Variants in ABLIM3 observed in about 807,000 individuals in gnomAD.
ABLIM3 encodes actin-binding LIM protein 3.
In ABLIM3, 61 loss-of-function variants were observed where a neutral mutation model predicts 109.5. The ratio of observed to expected loss-of-function variants is 0.56; its 90% CI spans 0.45 to 0.69. The LOEUF is 0.69. Among genes scored for constraint, ABLIM3 ranks in the 30% least tolerant of loss-of-function variants. The probability of loss-of-function intolerance (pLI) is 0.00; values close to 1 mark genes in which losing one functional copy is unlikely to be tolerated. For synonymous variants in ABLIM3, 300 were observed against 324.8 expected, an observed-to-expected ratio of 0.92 and a Z score of 0.82; for missense variants, 796 against 889.5, an observed-to-expected ratio of 0.89 and a Z score of 1.34.
At chr5:149,217,207 TG>T (rs141321170) in intron 8 of ABLIM3, 161 bp downstream of exon 8, 32 of 682,722 alleles carry the variant, frequency 4.7e-5, no homozygotes, top group Non-Finnish European at 7.9e-5. Flanking sequence ...CTGGGTGGAT[TG>T]GGAAGGTTGC....
At chr5:149,239,701 T>C in intron 12 of ABLIM3, 58 bp from the exon 13 acceptor site, 2 of 1,523,662 alleles carry the variant, frequency 1.3e-6, no homozygotes, top group Non-Finnish European at 1.8e-6. Context: ...TGCTAGACCC[T>C]CGGGCCACAG....
chr5:149,191,739 A>G (rs1399648282), intron 3 of ABLIM3, among the ~76,000 whole-genome samples: 1 of 152,284 alleles, frequency 6.6e-6, no homozygotes, highest in Non-Finnish European at 1.5e-5. Context: ...TTGGCTTAAT[A>G]TTAGAAAACT....
At chr5:149,157,854 T>C (rs1331428540) in intron 2 of ABLIM3, among the ~76,000 whole-genome samples, 1 of 152,110 alleles carries the variant, frequency 6.6e-6, no homozygotes, top group Non-Finnish European at 1.5e-5. Flanking sequence ...GACTTCCCAG[T>C]TGCAAGAACC....
At chr5:149,231,460 A>T (rs1761852987) in intron 9 of ABLIM3, among the ~76,000 whole-genome samples, 1 of 152,154 alleles carries the variant, frequency 6.6e-6, no homozygotes, top group South Asian at 2.1e-4. Flanking sequence ...TGGCCCCCGG[A>T]TATCAAGTTG....
intron 23 of ABLIM3, among the ~76,000 whole-genome samples, chr5:149,255,095 G>C (rs1581256395): frequency 6.6e-6 from 1 of 152,210 alleles, no homozygotes; most frequent in Non-Finnish European, 1.5e-5. Context: ...CCTTACAGAG[G>C]AGAAAATAAA....
intron 14 of ABLIM3, among the ~76,000 whole-genome samples, chr5:149,241,966 A>G (rs1192967124): frequency 6.6e-6 from 1 of 152,134 alleles, no homozygotes; most frequent in African/African-American, 2.4e-5. Flanking sequence ...GTCTCCTGAC[A>G]CCAAGCTCAG....
intron 11 of ABLIM3, 123 bp from the exon 12 acceptor site, chr5:149,239,125 G>A (rs375621574): frequency 1.1e-6 from 1 of 930,660 alleles, no homozygotes; most frequent in African/African-American, 1.6e-5. Flanking sequence ...CTGGAGAGGG[G>A]TACAAAGGAA....
intron 10 of ABLIM3, among the ~76,000 whole-genome samples, chr5:149,233,816 C>T (rs767226411): frequency 6.6e-6 from 1 of 152,130 alleles, no homozygotes; most frequent in East Asian, 1.9e-4. Flanking sequence ...TGTGGGAAGT[C>T]CAGGGATGGA....
chr5:149,153,448 A>T (rs73795801), intron 2 of ABLIM3, among the ~76,000 whole-genome samples: 143 of 152,250 alleles, frequency 9.4e-4, no homozygotes, highest in African/African-American at 3.2e-3. Flanking sequence ...TTGGAGGAAG[A>T]GGTTAGGGGA....
At chr5:149,225,980 GTGTATATA>G (rs1410514139) in intron 8 of ABLIM3, among the ~76,000 whole-genome samples, 29 of 21,896 alleles carry the variant, frequency 1.3e-3, no homozygotes, top group East Asian at 9.2e-3. Flanking sequence ...GTGTGTGTGT[GTGTATATA>G]TATATATATA....
chr5:149,244,704 GT>G (rs1250153396), intron 15 of ABLIM3, 176 bp from the exon 16 acceptor site: 8 of 733,434 alleles, frequency 1.1e-5, no homozygotes, highest in Non-Finnish European at 1.8e-5. Flanking sequence ...CAAAATGAGG[GT>G]TTGGCCCCAG....
At chr5:149,224,750 C>T (rs916600900) in intron 8 of ABLIM3, among the ~76,000 whole-genome samples, 4 of 152,114 alleles carry the variant, frequency 2.6e-5, no homozygotes, top group African/African-American at 7.2e-5. Flanking sequence ...AGGCGGACAC[C>T]GTTCTAAGTG....
intron 3 of ABLIM3, among the ~76,000 whole-genome samples, chr5:149,185,480 G>A (rs1000472167): frequency 7.2e-5 from 11 of 152,294 alleles, no homozygotes; most frequent in Middle Eastern, 3.4e-3. Flanking sequence ...TCAAGGTCAC[G>A]GAGAAATAAA....
At chr5:149,164,314 C>G (rs1396979301) in intron 2 of ABLIM3, 13 of 152,194 alleles carry the variant, frequency 8.5e-5, no homozygotes, top group Admixed American at 8.5e-4. Flanking sequence ...CTCAGCTCAC[C>G]CCATAGGTGT....
chr5:149,163,477 T>C (rs1754560686), intron 2 of ABLIM3, among the ~76,000 whole-genome samples: 1 of 152,146 alleles, frequency 6.6e-6, no homozygotes, highest in Admixed American at 6.5e-5. Context: ...TTCTCACAGT[T>C]CTGGGTTCTA....
chr5:149,241,327 G>A (rs1271928826), intron 14 of ABLIM3, among the ~76,000 whole-genome samples: 4 of 152,172 alleles, frequency 2.6e-5, no homozygotes, highest in Admixed American at 6.5e-5. Flanking sequence ...AAACAAATAG[G>A]TAGAGGATAA....
intron 10 of ABLIM3, among the ~76,000 whole-genome samples, chr5:149,234,372 G>A (rs1283509831): frequency 6.6e-6 from 1 of 152,142 alleles, no homozygotes; most frequent in Non-Finnish European, 1.5e-5. Flanking sequence ...GAAATGTGGG[G>A]AAAATGGTCT....
At chr5:149,163,532 C>A (rs1253330939) in intron 2 of ABLIM3, among the ~76,000 whole-genome samples, 1 of 152,110 alleles carries the variant, frequency 6.6e-6, no homozygotes, top group African/African-American at 2.4e-5. Flanking sequence ...TCTTCTGAGT[C>A]CTCTCTCCTT....
At chr5:149,187,688 C>T (rs1372711356) in intron 3 of ABLIM3, among the ~76,000 whole-genome samples, 3 of 152,082 alleles carry the variant, frequency 2.0e-5, no homozygotes, top group South Asian at 4.1e-4. Context: ...TGACTCATTC[C>T]GATTTCCTAC....
Sources: allele counts gnomAD v4.1 joint callset (sites outside exome capture counted in the v4.1 genomes callset), GRCh38; gene constraint gnomAD v4.1.1; transcripts MANE v1.5; gene names NCBI Gene and HGNC (gene_info 2026-07-23, HGNC 2026-07-21).